ZC3H7A: variants seen among roughly 807,000 people sequenced by gnomAD.
ZC3H7A encodes the protein zinc finger CCCH domain-containing protein 7A.
ZC3H7A carries 44 observed loss-of-function variants against 125.5 expected under a neutral mutation model. That is an observed-to-expected ratio of 0.35 (90% CI 0.28 to 0.45). ZC3H7A has a LOEUF of 0.45. Among genes scored for constraint, ZC3H7A ranks in the 20% least tolerant of loss-of-function variants. ZC3H7A has a pLI of 1.00. For missense variants in ZC3H7A, 977 were observed against 1,170.7 expected (o/e 0.83, Z 2.41); for synonymous variants, 399 against 391.2 (o/e 1.02, Z -0.23).
At chr16:11,791,748 G>A (rs966405685) in intron 1 of ZC3H7A, among the ~76,000 whole-genome samples, 2 of 152,168 alleles carry the variant, frequency 1.3e-5, no homozygotes, top group African/African-American at 4.8e-5. Context: ...CCAACCCTTT[G>A]GGGAAACAAG....
chr16:11,787,425 A>T (rs187179576), intron 1 of ZC3H7A, among the ~76,000 whole-genome samples: 1 of 152,018 alleles, frequency 6.6e-6, no homozygotes, highest in Non-Finnish European at 1.5e-5. Flanking sequence ...CTGTGAAATA[A>T]TCTCCCCCCA....
At chr16:11,771,527 G>C (rs1485826622) in intron 9 of ZC3H7A, among the ~76,000 whole-genome samples, 1 of 151,268 alleles carries the variant, frequency 6.6e-6, no homozygotes, top group Non-Finnish European at 1.5e-5. Context: ...TTGAGACGGA[G>C]TCTCACTCTG....
chr16:11,777,032 A>C (rs917759832), intron 4 of ZC3H7A, 123 bp from the exon 5 acceptor site: 16 of 686,940 alleles, frequency 2.3e-5, no homozygotes, highest in Non-Finnish European at 6.6e-6. Context: ...ACTCCAAGTT[A>C]GCAGTATTAC....
intron 1 of ZC3H7A, 143 bp from the exon 2 acceptor site, chr16:11,782,531 G>A: frequency 3.1e-6 from 2 of 653,364 alleles, no homozygotes; most frequent in Non-Finnish European, 5.4e-6. Flanking sequence ...TGGACGGCAG[G>A]GACCGTACAG....
intron 22 of ZC3H7A, 34 bp downstream of exon 22, chr16:11,752,635 T>C (rs2052571970): frequency 6.3e-7 from 1 of 1,587,022 alleles, no homozygotes; most frequent in South Asian, 1.1e-5. Flanking sequence ...AGGTCAGCAA[T>C]TCTGACATGG....
At chr16:11,762,778 A>G (rs749316837) in intron 16 of ZC3H7A, 31 bp from the exon 17 acceptor site, 3 of 1,609,136 alleles carry the variant, frequency 1.9e-6, no homozygotes, top group East Asian at 4.5e-5. Flanking sequence ...CCTTTAAATT[A>G]TATCTATAAG....
intron 15 of ZC3H7A, among the ~76,000 whole-genome samples, chr16:11,764,194 C>T (rs954933043): frequency 2.6e-5 from 4 of 151,298 alleles, no homozygotes; most frequent in African/African-American, 9.6e-5. Context: ...GGGTGGATCA[C>T]CTGAGGTCAA....
In ZC3H7A at chr16:11,758,492, G is replaced by A; in HGVS notation, c.2367C>T (p.Asn789=). The stretch of plus-strand genomic sequence containing the variant: ...CCTCAGGACTATGAGCAAAGGAACA[G>A]TTTCCAACATATTGACATTTTTTCC... ...ASGKKCQYVG[N]CSFAHSPEER... The change falls in exon 20 of 23, where the codon AAC becomes AAT. Residue 789 remains asparagine (N), a synonymous_variant. Coordinates refer to ENST00000355758, the MANE Select transcript of ZC3H7A (RefSeq NM_014153.4). 2 of 1,613,842 alleles carry A rather than the reference G, an allele frequency of 1.2e-6. No homozygotes were observed. The highest frequency in any genetic ancestry group is 1.7e-6 in the Non-Finnish European group (2 of 1,179,802).
chr16:11,769,729 A>AAAAAAAAAAAAAAAAAAAAAAAAAT, intron 10 of ZC3H7A, among the ~76,000 whole-genome samples: 1 of 138,546 alleles, frequency 7.2e-6, no homozygotes, highest in Non-Finnish European at 1.5e-5. Flanking sequence ...AAAAAAAAAA[A>AAAAAAAAAAAAAAAAAAAAAAAAAT]GCAGGAACTG....
rs141233995 is a variant in ZC3H7A at position 11,789,480 on chromosome 16, C to T, written c.-34-7092G>A. The stretch of plus-strand genomic sequence containing the variant: ...TGTTGGCCAGGCTGGTCTTGAACTC[C>T]TGACCTCAGGTGATCGGCCTGCCTT... On this transcript the variant is annotated intron_variant, in intron 1 of 22. Coordinates refer to ENST00000355758, the MANE Select transcript of ZC3H7A (RefSeq NM_014153.4). Among the ~76,000 whole-genome samples, 1,219 of 152,182 alleles carry T rather than the reference C, an allele frequency of 8.0e-3. 16 individuals carry two copies. Among genetic ancestry groups the T allele is most frequent in the Admixed American group, 0.011 (165 of 15,280 alleles).
rs201138900 is a variant in ZC3H7A at position 11,763,376 on chromosome 16, T to TG, written c.2002+101dup. Reference sequence around the variant, plus strand: ...CATCTGCCTCAGCCTCCCAAAGTAGTGGGATTACAGGCATGAGCCACCACG... The same window carrying TG: ...CATCTGCCTCAGCCTCCCAAAGTAGTGGGGATTACAGGCATGAGCCACCACG... On this transcript the variant is annotated intron_variant, in intron 16 of 22. Transcript: ENST00000355758. 7,655 of 1,210,082 alleles carry TG rather than the reference T, an allele frequency of 6.3e-3. 33 individuals are homozygous for TG. Among genetic ancestry groups the TG allele is most frequent in the Non-Finnish European group, 7.4e-3 (6,518 of 879,642 alleles). The allele number at this position is 1,210,082 out of a possible 1,614,324, so 75.0% of individuals were successfully genotyped here. A position where few individuals can be genotyped will look rare whatever the true frequency, so the allele number is the denominator to read the frequency against.
chr16:11,773,553 A>G (rs958542894), intron 9 of ZC3H7A, among the ~76,000 whole-genome samples: 1 of 151,904 alleles, frequency 6.6e-6, no homozygotes, highest in Non-Finnish European at 1.5e-5. Flanking sequence ...ACCCCGCTTT[A>G]AAGTATGTGG....
intron 1 of ZC3H7A, among the ~76,000 whole-genome samples, chr16:11,792,208 GGA>G (rs1230426983): frequency 6.6e-6 from 1 of 152,126 alleles, no homozygotes; most frequent in Non-Finnish European, 1.5e-5. Flanking sequence ...TCTGGCCCAA[GGA>G]GAGATACTTT....
At chr16:11,797,078 G>GGC in intron 1 of ZC3H7A, 46 bp downstream of exon 1, 1 of 145,322 alleles carries the variant, frequency 6.9e-6, no homozygotes, top group South Asian at 1.8e-4. Flanking sequence ...CGGGGGCGCG[G>GGC]GCGCGCGCGT....
At chr16:11,768,068 A>C (rs2052892562) in intron 12 of ZC3H7A, among the ~76,000 whole-genome samples, 1 of 152,204 alleles carries the variant, frequency 6.6e-6, no homozygotes, top group Non-Finnish European at 1.5e-5. Flanking sequence ...TAAGCTTCCA[A>C]AAATAGGTAA....
chr16:11,791,239 A>G (rs1345793710), intron 1 of ZC3H7A, among the ~76,000 whole-genome samples: 2 of 151,930 alleles, frequency 1.3e-5, no homozygotes, highest in Non-Finnish European at 2.9e-5. Context: ...CAAGCCACGC[A>G]GCTCCTGCCT....
rs1251627766 is a variant in ZC3H7A at position 11,776,784 on chromosome 16, A to G, written c.432T>C (p.Asp144=). 1.2e-6 allele frequency: 2 copies of G among 1,612,684 alleles called. No individual in the cohort carries two copies. Among genetic ancestry groups the G allele is most frequent in the African/African-American group, 2.7e-5 (2 of 74,998 alleles). Residue 144 remains aspartate (D), a synonymous_variant, in exon 5 of 23, where the codon GAT becomes GAC. Coordinates refer to ENST00000355758, the MANE Select transcript of ZC3H7A (RefSeq NM_014153.4). The stretch of plus-strand genomic sequence containing the variant: ...CTGCTAAGGAGCACTTTGCTACAGC[A>G]TCGTAAGCCTTTTTGTATCTTCCTA... ...SDLGRYKKAY[D]AVAKCSLAVP...
At chr16:11,772,085 A>G (rs890134042) in intron 9 of ZC3H7A, among the ~76,000 whole-genome samples, 1 of 151,626 alleles carries the variant, frequency 6.6e-6, no homozygotes, top group Non-Finnish European at 1.5e-5. Context: ...AATCTCAGCT[A>G]CTCGGGAGGT....
Position 11,774,309 on chromosome 16 carries a change from T to C in ZC3H7A, c.830A>G (p.Asp277Gly), listed in dbSNP as rs377738191. Residue 277 changes from aspartate (D) to glycine (G), a missense_variant, in exon 9 of 23, where the codon GAT (aspartate) becomes GGT (glycine). Around this residue, in one of 3 missense-constraint regions of ZC3H7A, gnomAD observed 342 missense variants for 311.3 expected, o/e 1.10. Coordinates refer to ENST00000355758, the MANE Select transcript of ZC3H7A (RefSeq NM_014153.4). Reference sequence around the variant, plus strand: ...TTCATCTCCAAGGACCATATCTCCATCATCTAGAAAAGCTTCTGGCATAGT... The same window carrying C: ...TTCATCTCCAAGGACCATATCTCCACCATCTAGAAAAGCTTCTGGCATAGT... ...PFTMPEAFLD[D>G]GDMVLGDELD... 1.2e-6 allele frequency: 2 copies of C among 1,614,010 alleles called. No homozygotes were observed. The highest frequency in any genetic ancestry group is 1.7e-6 in the Non-Finnish European group (2 of 1,179,928).
Sources: gnomAD v4.1 joint callset for allele counts (sites outside exome capture counted in the v4.1 genomes callset) on GRCh38, gnomAD v4.1.1 for gene constraint, gnomAD v4.1.1 regional missense constraint, MANE v1.5 for transcripts, NCBI Gene and HGNC (gene_info 2026-07-23, HGNC 2026-07-21) for gene names.